Variants in TMEM132B observed in about 807,000 individuals in gnomAD.
The protein encoded by TMEM132B is transmembrane protein 132B.
Under a neutral mutation model 90.8 loss-of-function variants are expected in TMEM132B, and 18 were observed. That is an observed-to-expected ratio of 0.20 (90% CI 0.14 to 0.29). TMEM132B has a LOEUF of 0.29. Among genes scored for constraint, TMEM132B ranks in the 10% least tolerant of loss-of-function variants. The pLI is 1.00. For synonymous variants in TMEM132B, 504 were observed against 523.3 expected (o/e 0.96, Z 0.50); for missense variants, 1,096 against 1,326.8 (o/e 0.83, Z 2.70).
rs377328783 is a variant in TMEM132B at position 125,650,884 on chromosome 12, G to C, written c.1845G>C (p.Glu615Asp). 1.7e-5 allele frequency: 28 copies of C among 1,613,924 alleles called. No homozygotes were observed. In the African/African-American group the frequency reaches 3.3e-4, roughly 19 times the overall value. The part of the protein sequence containing the change: ...DLVTEFMKVE[E>D]PKIAQLQDGR... The stretch of plus-strand genomic sequence containing the variant: ...TGACCGAGTTCATGAAGGTGGAGGA[G>C]CCGAAAATCGCTCAGTTACAGGACG... Residue 615 changes from glutamate to aspartate, a missense_variant, in exon 7 of 9, where the codon GAG becomes GAC. Coordinates refer to ENST00000682704, the MANE Select transcript of TMEM132B (RefSeq NM_001366854.1).
rs1335507605 is a variant in TMEM132B, at chr12:125,407,763, T to G, written c.960-7768T>G. 6.6e-6 allele frequency among the ~76,000 whole-genome samples: 1 copy of G among 152,134 alleles called. No individual in the cohort carries two copies. The highest frequency in any genetic ancestry group is 1.5e-5 in the Non-Finnish European group (1 of 68,028). On this transcript the variant is annotated intron_variant, in intron 2 of 8. Coordinates refer to ENST00000682704, the MANE Select transcript of TMEM132B (RefSeq NM_001366854.1). The surrounding 1 kb of genome is among the most constrained non-coding windows in gnomAD (Gnocchi z 6.7). Reference sequence around the variant, plus strand: ...TCTGGGGGAGAAACGCCTCTGTGTGTCTGGGGTGGTGACATTTGGGTTCAC... The same window carrying G: ...TCTGGGGGAGAAACGCCTCTGTGTGGCTGGGGTGGTGACATTTGGGTTCAC...
At chr12:125,546,153 C>G (rs934853701) in intron 4 of TMEM132B, among the ~76,000 whole-genome samples, 15 of 152,090 alleles carry the variant, frequency 9.9e-5, no homozygotes, top group East Asian at 1.9e-4. Flanking sequence ...ATTTCCATCC[C>G]CAATCCCAGC....
intron 4 of TMEM132B, among the ~76,000 whole-genome samples, chr12:125,579,507 G>A (rs1223707177): frequency 6.6e-6 from 1 of 151,678 alleles, no homozygotes; most frequent in Non-Finnish European, 1.5e-5. Flanking sequence ...GATTACAGGT[G>A]TGGTGGCACC....
chr12:125,379,401 G>A (rs768749634), intron 2 of TMEM132B, among the ~76,000 whole-genome samples: 12 of 152,174 alleles, frequency 7.9e-5, no homozygotes, highest in Admixed American at 2.6e-4. Flanking sequence ...CACAAGCCAA[G>A]GATGCAGCCA....
intron 1 of TMEM132B, among the ~76,000 whole-genome samples, chr12:125,195,093 A>G (rs34764657): frequency 0.28 from 42,708 of 152,002 alleles, 6,375 homozygotes; most frequent in East Asian, 0.47. Flanking sequence ...AACTCGCTGT[A>G]GCTGGCCTTG....
At chr12:125,500,745 C>G (rs1267134902) in intron 3 of TMEM132B, among the ~76,000 whole-genome samples, 1 of 152,114 alleles carries the variant, frequency 6.6e-6, no homozygotes, top group African/African-American at 2.4e-5. Flanking sequence ...CGTGGATGTC[C>G]TAACTCCAGG....
chr12:125,652,685 CAGTT>C (rs1176599743), intron 8 of TMEM132B, 53 bp downstream of exon 8: 18 of 1,548,892 alleles, frequency 1.2e-5, no homozygotes, highest in Admixed American at 7.4e-5. Context: ...ACTTCTCTCT[CAGTT>C]AGCACATCCT....
At chr12:125,290,166 G>A (rs556106210) in intron 1 of TMEM132B, among the ~76,000 whole-genome samples, 4 of 152,292 alleles carry the variant, frequency 2.6e-5, no homozygotes, top group East Asian at 1.9e-4. Flanking sequence ...AGTTTGGGCC[G>A]TAATTCATTC....
chr12:125,568,639 C>T (rs752070432), intron 4 of TMEM132B, among the ~76,000 whole-genome samples: 2 of 152,170 alleles, frequency 1.3e-5, no homozygotes, highest in Non-Finnish European at 2.9e-5. Context: ...TACCTTTCTT[C>T]CCCCCTCTGG....
At chr12:125,367,781 T>TA (rs745367798) in intron 2 of TMEM132B, among the ~76,000 whole-genome samples, 93 of 152,350 alleles carry the variant, frequency 6.1e-4, no homozygotes, top group South Asian at 1.5e-3. Flanking sequence ...GTCTAGAGTT[T>TA]ACGTAGGACC....
intron 1 of TMEM132B, among the ~76,000 whole-genome samples, chr12:125,342,026 T>A (rs1877196915): frequency 6.6e-6 from 1 of 152,196 alleles, no homozygotes; most frequent in African/African-American, 2.4e-5. Flanking sequence ...GCCTATATTC[T>A]CTATTTTGTT....
intron 2 of TMEM132B, among the ~76,000 whole-genome samples, chr12:125,360,123 C>T (rs1222530686): frequency 6.6e-6 from 1 of 152,162 alleles, no homozygotes; most frequent in East Asian, 1.9e-4. Context: ...ACATCTCTTG[C>T]CTGAGTCACT....
intron 2 of TMEM132B, among the ~76,000 whole-genome samples, chr12:125,411,373 G>GT (rs369814055): frequency 2.7e-5 from 4 of 146,106 alleles, no homozygotes; most frequent in African/African-American, 5.0e-5. Flanking sequence ...GGTGGGGGGG[G>GT]GCCTAGGGGA....
chr12:125,316,387 C>T (rs1024264685), intron 1 of TMEM132B, among the ~76,000 whole-genome samples: 1 of 152,134 alleles, frequency 6.6e-6, no homozygotes, highest in African/African-American at 2.4e-5. Flanking sequence ...AGCATCTCTT[C>T]GCACTCTTTC....
chr12:125,422,837 T>A (rs540249101), intron 3 of TMEM132B, among the ~76,000 whole-genome samples: 1 of 152,334 alleles, frequency 6.6e-6, no homozygotes, highest in African/African-American at 2.4e-5. Context: ...AGCACGTTTC[T>A]TTCAACACCT....
At chr12:125,607,376 G>A (rs1885723634) in intron 5 of TMEM132B, among the ~76,000 whole-genome samples, 1 of 152,166 alleles carries the variant, frequency 6.6e-6, no homozygotes, top group Non-Finnish European at 1.5e-5. Context: ...AAAATGGAAC[G>A]AGGTATAGAA....
At position 125,583,834 on chromosome 12, in the gene TMEM132B, T is replaced by C; in HGVS notation, c.1294-17T>C. ...TATGCACGTTTGCTGATCTGAGCCC[T>C]CTCCTCTCCTGTTTAGGACACCGAG... On this transcript the variant is annotated splice_polypyrimidine_tract_variant and intron_variant, in intron 4 of 8. Coordinates refer to ENST00000682704, the MANE Select transcript of TMEM132B (RefSeq NM_001366854.1). 2 of 1,613,440 alleles carry C rather than the reference T, an allele frequency of 1.2e-6. No homozygotes were observed. The highest frequency in any genetic ancestry group is 1.7e-6 in the Non-Finnish European group (2 of 1,179,728).
At position 125,519,483 on chromosome 12, in the gene TMEM132B, T is replaced by G; in HGVS notation, c.1151T>G (p.Ile384Ser). Reference sequence around the variant, plus strand: ...GAGATCTTGCAAGTGGACTTTGGAATTGATAATAGCAGTGACCTGGCTGGG... The same window carrying G: ...GAGATCTTGCAAGTGGACTTTGGAAGTGATAATAGCAGTGACCTGGCTGGG... ...FYEILQVDFG[I>S]DNSSDLAGAQ... The change falls in exon 4 of 9, where the codon ATT (isoleucine) becomes AGT (serine). Residue 384 changes from isoleucine to serine, a missense_variant. Transcript: ENST00000682704. 6.2e-7 allele frequency: 1 copy of G among 1,613,856 alleles called. No homozygotes were observed. Among genetic ancestry groups the G allele is most frequent in the Non-Finnish European group, 8.5e-7 (1 of 1,179,896 alleles).
At position 125,560,202 on chromosome 12, in the gene TMEM132B, T is replaced by A. The variant is rs573590310; in HGVS notation, c.1294-23649T>A. 6.6e-5 allele frequency among the ~76,000 whole-genome samples: 10 copies of A among 152,236 alleles called. No homozygotes were observed. The East Asian group carries it at 1.7e-3, about 27-fold the overall frequency. ...GGGCCCAAGGAATGCCAGGTGCTGA[T>A]TGCCTGCTGGCCTGGGTCACCAAAA... On this transcript the variant is annotated intron_variant, in intron 4 of 8. Coordinates refer to ENST00000682704, the MANE Select transcript of TMEM132B (RefSeq NM_001366854.1).
Sources: allele counts gnomAD v4.1 joint callset (sites outside exome capture counted in the v4.1 genomes callset), GRCh38; gene constraint gnomAD v4.1.1; non-coding constraint Gnocchi (gnomAD v3.1); transcripts MANE v1.5; gene names NCBI Gene and HGNC (gene_info 2026-07-23, HGNC 2026-07-21).